Variants in PLAA observed in about 807,000 individuals in gnomAD.
The protein encoded by PLAA is phospholipase A2 activating protein.
In PLAA, 48 loss-of-function variants were observed where a neutral mutation model predicts 84.1. That is an observed-to-expected ratio of 0.57 (90% CI 0.45 to 0.73). PLAA has a LOEUF of 0.73. PLAA is among the 30% of genes least tolerant of loss of function. The pLI is 0.00. For missense variants in PLAA, 903 were observed against 954.7 expected (o/e 0.95, Z 0.71); for synonymous variants, 392 against 336.6 (o/e 1.16, Z -1.80).
rs992418117 is a variant in PLAA, at chr9:26,904,725, T to G, written c.*786A>C. ...ATGTACTCTTGCTTATGTAACCACC[T>G]GATAAAATTCAACATGTTCCAAATT... On this transcript the variant is annotated 3_prime_UTR_variant, in exon 14 of 14. Coordinates refer to ENST00000397292, the MANE Select transcript of PLAA (RefSeq NM_001031689.3). 3.3e-5 allele frequency: 5 copies of G among 152,230 alleles called. No homozygotes were observed. The highest frequency in any genetic ancestry group is 7.4e-5 in the Non-Finnish European group (5 of 68,016). 9.4% of individuals were successfully genotyped at this position (152,230 alleles called of 1,614,324 possible).
At position 26,917,173 on chromosome 9, in the gene PLAA, T is replaced by C. The variant is rs1824590482; in HGVS notation, c.1418-8A>G. 1 of 1,613,262 alleles carries C rather than the reference T, an allele frequency of 6.2e-7. No individual in the cohort carries two copies. The highest frequency in any genetic ancestry group is 8.5e-7 in the Non-Finnish European group (1 of 1,179,370). On this transcript the variant is annotated splice_region_variant and splice_polypyrimidine_tract_variant and intron_variant, in intron 9 of 13. Transcript: ENST00000397292. ...GAACATACCGACCACCACCTGTGCA[T>C]GCAAAATAAAGAAAAGGCAGAAGTG...
At chr9:26,924,416 G>A (rs1272696796) in intron 6 of PLAA, among the ~76,000 whole-genome samples, 2 of 152,136 alleles carry the variant, frequency 1.3e-5, no homozygotes, top group Non-Finnish European at 2.9e-5. Context: ...TTACAAGTGT[G>A]AGCCACAGCA....
Position 26,910,342 on chromosome 9 carries a change from T to C in PLAA, c.1653A>G (p.Ile551Met), listed in dbSNP as rs776595883. 4 of 1,602,844 alleles carry C rather than the reference T, an allele frequency of 2.5e-6. No homozygotes were observed. Among genetic ancestry groups the C allele is most frequent in the South Asian group, 1.1e-5 (1 of 90,804 alleles). Residue 551 changes from isoleucine to methionine, a missense_variant, in exon 12 of 14, where the codon ATA (isoleucine) becomes ATG (methionine). By Grantham distance (10) the Ile-to-Met change is conservative. Transcript: ENST00000397292. Reference protein sequence around the residue: ...VTFDQANPTQILGKLKELNGT... With the variant: ...VTFDQANPTQMLGKLKELNGT... ...AAATTAATTAAAGAAACTTACCTAA[T>C]ATTTGTGTAGGGTTTGCTTGGTCAA...
intron 11 of PLAA, among the ~76,000 whole-genome samples, chr9:26,910,798 C>T (rs977122186): frequency 1.3e-5 from 2 of 152,010 alleles, no homozygotes; most frequent in African/African-American, 2.4e-5. Context: ...GCTGGGATTA[C>T]AGGTGTGAGC....
At chr9:26,924,080 A>G (rs981620588) in intron 6 of PLAA, among the ~76,000 whole-genome samples, 2 of 152,170 alleles carry the variant, frequency 1.3e-5, no homozygotes, top group Admixed American at 1.3e-4. Flanking sequence ...GCCAAAAAAT[A>G]AAACACCCAC....
intron 9 of PLAA, 139 bp from the exon 10 acceptor site, chr9:26,917,304 CTA>C (rs1824594820): frequency 3.1e-6 from 2 of 641,588 alleles, no homozygotes; most frequent in East Asian, 5.5e-5. Flanking sequence ...ATGACAGAAA[CTA>C]TAGTCAGAAG....
chr9:26,926,779 T>C (rs1243490586), intron 4 of PLAA, among the ~76,000 whole-genome samples: 1 of 152,142 alleles, frequency 6.6e-6, no homozygotes, highest in African/African-American at 2.4e-5. Context: ...TTTACATTCA[T>C]CCTACCTTCT....
chr9:26,916,100 T>A, intron 10 of PLAA: 2 of 985,400 alleles, frequency 2.0e-6, no homozygotes, highest in Non-Finnish European at 2.4e-6. Flanking sequence ...ATCTGGGCCA[T>A]CAATAAATTC....
rs1205145472 is a variant in PLAA, at chr9:26,904,089, A to C, written c.*1422T>G. The C allele has an allele frequency of 2.6e-5, 4 of 153,372 alleles. No individual in the cohort carries two copies. The highest frequency in any genetic ancestry group is 1.5e-5 in the Non-Finnish European group (1 of 68,030). The allele number at this position is 153,372 out of a possible 1,614,324, so 9.5% of individuals were successfully genotyped here. ...GTCCAGGTACACACCAGGTAGTTCC[A>C]ATTTAATACTCAGCAAAGTACATAT... On this transcript the variant is annotated 3_prime_UTR_variant, in exon 14 of 14. Transcript: ENST00000397292.
intron 9 of PLAA, among the ~76,000 whole-genome samples, chr9:26,917,989 A>T (rs1824619376): frequency 6.6e-6 from 1 of 152,254 alleles, no homozygotes; most frequent in African/African-American, 2.4e-5. Flanking sequence ...CTTGAACTAC[A>T]GTCTGAAATT....
rs1338461708 is a variant in PLAA, at chr9:26,926,548, C to T, written c.578G>A (p.Cys193Tyr). Residue 193 changes from cysteine to tyrosine, a missense_variant, in exon 5 of 14, where the codon TGT becomes TAT. Cys to Tyr is a radical substitution (Grantham distance 194). Transcript: ENST00000397292. ...CERTFSGHED[C>Y]VRGLAILSET... Reference sequence around the variant, plus strand: ...ACTCAAAATTGCCAAACCTCTTACACAGTCTTCATGCCCTGCATTAAAAAA... The same window carrying T: ...ACTCAAAATTGCCAAACCTCTTACATAGTCTTCATGCCCTGCATTAAAAAA... The T allele has an allele frequency of 1.2e-6, 2 of 1,613,166 alleles. No individual in the cohort carries two copies. The highest frequency in any genetic ancestry group is 1.7e-6 in the Non-Finnish European group (2 of 1,179,372).
chr9:26,940,464 T>G (rs1825496324), intron 1 of PLAA, among the ~76,000 whole-genome samples: 1 of 152,158 alleles, frequency 6.6e-6, no homozygotes, highest in African/African-American at 2.4e-5. Context: ...CATACAGACA[T>G]AAAGTAGAAT....
chr9:26,926,580 T>C lies in PLAA; in HGVS notation c.566-20A>G. The C allele has an allele frequency of 1.3e-6, 2 of 1,595,300 alleles. No individual in the cohort carries two copies. Among genetic ancestry groups the C allele is most frequent in the Non-Finnish European group, 1.7e-6 (2 of 1,167,234 alleles). Reference sequence around the variant, plus strand: ...CATGCCCTGCATTAAAAAACAATAATGCAAATCAATAAAACTGATAATTTG... The same window carrying C: ...CATGCCCTGCATTAAAAAACAATAACGCAAATCAATAAAACTGATAATTTG... On this transcript the variant is annotated intron_variant, in intron 4 of 13. Coordinates refer to ENST00000397292, the MANE Select transcript of PLAA (RefSeq NM_001031689.3).
At chr9:26,924,502 C>T (rs1432635500) in intron 6 of PLAA, among the ~76,000 whole-genome samples, 2 of 152,118 alleles carry the variant, frequency 1.3e-5, no homozygotes, top group African/African-American at 4.8e-5. Flanking sequence ...TCTCCTCCAA[C>T]CCTTTATTTC....
At chr9:26,938,546 C>T (rs116570703) in intron 1 of PLAA, among the ~76,000 whole-genome samples, 2 of 138,718 alleles carry the variant, frequency 1.4e-5, no homozygotes, top group East Asian at 2.4e-4. Context: ...GAGTAAGACA[C>T]CATTTCTTAA....
chr9:26,937,515 A>G lies in PLAA; in HGVS notation c.150-2309T>C, dbSNP rs73643113. ...AATCACACGCATACAAATAAACAGA[A>G]AAGTATGGCCCATTCAAAGGAAAAA... On this transcript the variant is annotated intron_variant, in intron 1 of 13. Transcript: ENST00000397292. 8.6e-3 allele frequency among the ~76,000 whole-genome samples: 1,315 copies of G among 152,250 alleles called. 16 individuals are homozygous for G. The highest frequency in any genetic ancestry group is 0.03 in the African/African-American group (1,252 of 41,560).
intron 2 of PLAA, among the ~76,000 whole-genome samples, chr9:26,932,505 T>G (rs1825218936): frequency 6.6e-6 from 1 of 152,260 alleles, no homozygotes; most frequent in African/African-American, 2.4e-5. Flanking sequence ...TGTCTATAGC[T>G]GCTGTGCACT....
intron 12 of PLAA, among the ~76,000 whole-genome samples, 183 bp from the exon 13 acceptor site, chr9:26,908,181 T>G (rs1009627308): frequency 6.6e-6 from 1 of 151,368 alleles, no homozygotes. Context: ...TTTTTTTTTT[T>G]TTTTGAGATG....
In PLAA at chr9:26,945,387, A is replaced by C. The variant is rs1369734058; in HGVS notation, c.149+1510T>G. Among the ~76,000 whole-genome samples the C allele has an allele frequency of 5.9e-5, 9 of 152,334 alleles. No individual in the cohort carries two copies. The South Asian group carries it at 1.5e-3, about 25-fold the overall frequency. ...ATTCAATTTTAAAGGCAAAAACTTA[A>C]TAACTGTACTCAAACAAAAAGTTCC... On this transcript the variant is annotated intron_variant, in intron 1 of 13. Coordinates refer to ENST00000397292, the MANE Select transcript of PLAA (RefSeq NM_001031689.3).
Sources: allele counts gnomAD v4.1 joint callset (sites outside exome capture counted in the v4.1 genomes callset), GRCh38; gene constraint gnomAD v4.1.1; transcripts MANE v1.5; gene names NCBI Gene and HGNC (gene_info 2026-07-23, HGNC 2026-07-21).